The following NOL10 variants were observed in gnomAD, a reference collection of about 807,000 sequenced individuals.
The protein encoded by NOL10 is nucleolar protein 10.
A neutral mutation model predicts 103.5 loss-of-function variants in NOL10; 58 were observed. That is an observed-to-expected ratio of 0.56 (90% CI 0.45 to 0.70). The LOEUF is 0.70. NOL10 is among the 30% of genes least tolerant of loss of function. NOL10 has a pLI of 0.00. For missense variants in NOL10, 763 were observed against 807.3 expected (o/e 0.95, Z 0.67); for synonymous variants, 287 against 282.5 (o/e 1.02, Z -0.16).
At position 10,585,380 on chromosome 2, in the gene NOL10, C is replaced by T. The variant is rs76475936; in HGVS notation, c.1844+3663G>A. Among the ~76,000 whole-genome samples, 18 of 152,286 alleles carry T rather than the reference C, an allele frequency of 1.2e-4. No homozygotes were observed. The East Asian group carries it at 1.7e-3, about 15-fold the overall frequency. Reference sequence around the variant, plus strand: ...TGGCACAGCCTGTGGACAAGTTTGCCGGTTTCTGAAAAGGCTAAACATAGA... The same window carrying T: ...TGGCACAGCCTGTGGACAAGTTTGCTGGTTTCTGAAAAGGCTAAACATAGA... On this transcript the variant is annotated intron_variant, in intron 19 of 20. Transcript: ENST00000381685.
intron 3 of NOL10, among the ~76,000 whole-genome samples, chr2:10,676,623 A>C (rs1681326222): frequency 6.7e-6 from 1 of 149,996 alleles, no homozygotes; most frequent in African/African-American, 2.5e-5. Context: ...TGAAATGGTA[A>C]CTTTGGCACT....
chr2:10,689,910 C>T lies in NOL10; in HGVS notation c.-49G>A, dbSNP rs754590322. ...TCCCGGGTCCTTTCCCACCAGCGTG[C>T]TCGAGCACCGTAATCCCGGGACCTC... On this transcript the variant is annotated 5_prime_UTR_variant, in exon 1 of 21. Coordinates refer to ENST00000381685, the MANE Select transcript of NOL10 (RefSeq NM_024894.4). 1.5e-5 allele frequency: 23 copies of T among 1,550,444 alleles called. No homozygotes were observed. In the Admixed American group the frequency reaches 3.2e-4, roughly 22 times the overall value.
rs544477708 is a variant in NOL10 at position 10,672,241 on chromosome 2, C to T, written c.328-551G>A. 3.3e-5 allele frequency among the ~76,000 whole-genome samples: 5 copies of T among 152,202 alleles called. No homozygotes were observed. In the South Asian group the frequency reaches 6.2e-4, roughly 19 times the overall value. ...ACTCAGGAGGCTGAGGCAGGAAAAT[C>T]GCTTGAACCCAGGAGCCGGAGGATG... On this transcript the variant is annotated intron_variant, in intron 5 of 20. Transcript: ENST00000381685.
chr2:10,638,499 T>TTTTC (rs1265500017), intron 13 of NOL10, among the ~76,000 whole-genome samples: 2 of 133,370 alleles, frequency 1.5e-5, no homozygotes, highest in Non-Finnish European at 3.2e-5. Flanking sequence ...TTTTTTTTTT[T>TTTTC]TTTTTTTTTT....
chr2:10,639,405 G>C (rs1476851595), intron 13 of NOL10, among the ~76,000 whole-genome samples: 2 of 152,142 alleles, frequency 1.3e-5, no homozygotes, highest in Non-Finnish European at 2.9e-5. Context: ...CTGGGCGACA[G>C]AGCGAGACTC....
chr2:10,677,839 T>TTGTGTGTGTGTGTG (rs58970211), intron 3 of NOL10, among the ~76,000 whole-genome samples: 2 of 146,742 alleles, frequency 1.4e-5, no homozygotes, highest in Admixed American at 6.8e-5. Context: ...TTTAATACAT[T>TTGTGTGTGTGTGTG]TGTGTGTGTG....
chr2:10,590,555 C>A (rs1479441363), intron 17 of NOL10, among the ~76,000 whole-genome samples: 1 of 94,590 alleles, frequency 1.1e-5, no homozygotes, highest in Non-Finnish European at 2.0e-5. Context: ...CCGATTCCAG[C>A]TGAGTTACTG....
intron 13 of NOL10, among the ~76,000 whole-genome samples, chr2:10,636,797 C>G (rs148774298): frequency 1.3e-5 from 2 of 152,134 alleles, no homozygotes; most frequent in African/African-American, 2.4e-5. Context: ...AAGTACCTCT[C>G]TAACAGACAA....
intron 8 of NOL10, among the ~76,000 whole-genome samples, chr2:10,666,696 T>C (rs1420420377): frequency 6.4e-5 from 2 of 31,306 alleles, no homozygotes; most frequent in Non-Finnish European, 1.2e-4. Flanking sequence ...TTATATACTG[T>C]TATGTCTAAA....
intron 14 of NOL10, among the ~76,000 whole-genome samples, chr2:10,604,133 C>T (rs187101295): frequency 6.6e-6 from 1 of 152,206 alleles, no homozygotes; most frequent in Non-Finnish European, 1.5e-5. Flanking sequence ...GAATCAAATG[C>T]CACGGCTGGC....
At chr2:10,684,067 T>A (rs990968704) in intron 2 of NOL10, among the ~76,000 whole-genome samples, 1 of 150,990 alleles carries the variant, frequency 6.6e-6, no homozygotes, top group Non-Finnish European at 1.5e-5. Context: ...TCACCTGAGG[T>A]CGCAAGTTCG....
chr2:10,630,554 T>C (rs1440684055), intron 13 of NOL10, among the ~76,000 whole-genome samples: 2 of 151,946 alleles, frequency 1.3e-5, no homozygotes, highest in Admixed American at 1.3e-4. Context: ...CTACCAAAAA[T>C]ACAAAAAATT....
chr2:10,573,687 C>T (rs4669594), intron 20 of NOL10, among the ~76,000 whole-genome samples: 36,731 of 150,518 alleles, frequency 0.24, 6,280 homozygotes, highest in African/African-American at 0.45. Flanking sequence ...GCATTTCTCC[C>T]ATTCTAATAA....
intron 7 of NOL10, among the ~76,000 whole-genome samples, chr2:10,668,176 T>A (rs1461070762): frequency 1.3e-5 from 2 of 152,252 alleles, no homozygotes; most frequent in African/African-American, 4.8e-5. Flanking sequence ...TTATCACTAT[T>A]ATTTGTTGTG....
chr2:10,573,877 A>T (rs912200760), intron 20 of NOL10, among the ~76,000 whole-genome samples: 2 of 152,166 alleles, frequency 1.3e-5, no homozygotes, highest in African/African-American at 4.8e-5. Flanking sequence ...GCTCCTAAGC[A>T]TGGCCACCAC....
chr2:10,682,398 A>G (rs866790073), intron 2 of NOL10, among the ~76,000 whole-genome samples: 211 of 144,184 alleles, frequency 1.5e-3, no homozygotes, highest in African/African-American at 5.3e-3. Context: ...ACATTAAACC[A>G]CTTTTTTTTT....
chr2:10,620,625 T>C (rs553007118), intron 13 of NOL10, among the ~76,000 whole-genome samples: 256 of 152,328 alleles, frequency 1.7e-3, no homozygotes, highest in African/African-American at 5.9e-3. Flanking sequence ...TGGAATAAAA[T>C]GTGGTCAACC....
At chr2:10,584,090 C>T (rs1341518358) in intron 19 of NOL10, among the ~76,000 whole-genome samples, 1 of 152,184 alleles carries the variant, frequency 6.6e-6, no homozygotes, top group African/African-American at 2.4e-5. Context: ...CCTGTGGCTG[C>T]ACCGTGCCTC....
Position 10,662,825 on chromosome 2 carries a change from AG to A in NOL10, c.677+133del. ...ACTCACTAGTGAGCTTTTACAGGAG[AG>A]GATCTTTATGAAAAACAATCATGGA... is the stretch of plus-strand genomic sequence containing the variant. On this transcript the variant is annotated intron_variant, in intron 9 of 20. Coordinates refer to ENST00000381685, the MANE Select transcript of NOL10 (RefSeq NM_024894.4). 4.3e-6 allele frequency: 3 copies of A among 697,856 alleles called. No individual in the cohort carries two copies. In the South Asian group the frequency reaches 5.7e-5, roughly 13 times the overall value. 43.2% of individuals were successfully genotyped at this position (697,856 alleles called of 1,614,324 possible).
Sources: allele counts gnomAD v4.1 joint callset (sites outside exome capture counted in the v4.1 genomes callset), GRCh38; gene constraint gnomAD v4.1.1; transcripts MANE v1.5; gene names NCBI Gene and HGNC (gene_info 2026-07-23, HGNC 2026-07-21).